SLC8A1: variants seen among roughly 807,000 people sequenced by gnomAD.
The protein encoded by SLC8A1 is solute carrier family 8 member A1.
A neutral mutation model predicts 68.3 loss-of-function variants in SLC8A1; 18 were observed. That is an observed-to-expected ratio of 0.26 (90% CI 0.18 to 0.39). The LOEUF (loss-of-function observed/expected upper bound fraction) is 0.39, where lower values mean the gene tolerates loss of function less well. Among genes scored for constraint, SLC8A1 ranks in the 10% least tolerant of loss-of-function variants. SLC8A1 has a pLI of 1.00. For missense variants in SLC8A1, 985 were observed against 1,156.7 expected (o/e 0.85, Z 2.15); for synonymous variants, 475 against 415.5 (o/e 1.14, Z -1.74).
At chr2:40,135,539 G>A (rs889043763) in intron 7 of SLC8A1, among the ~76,000 whole-genome samples, 2 of 151,908 alleles carry the variant, frequency 1.3e-5, no homozygotes, top group African/African-American at 4.8e-5. Context: ...CCAATACGGT[G>A]AAATCCTCTC....
At chr2:40,197,723 A>T (rs2053326666) in intron 2 of SLC8A1, among the ~76,000 whole-genome samples, 1 of 151,932 alleles carries the variant, frequency 6.6e-6, no homozygotes, top group African/African-American at 2.4e-5. Context: ...TGTCTCCCAG[A>T]CATTTTCCTG....
intron 2 of SLC8A1, among the ~76,000 whole-genome samples, chr2:40,284,655 AATAT>A (rs1006061798): frequency 2.8e-5 from 4 of 144,426 alleles, no homozygotes; most frequent in African/African-American, 9.9e-5. Context: ...TATAAATATA[AATAT>A]AAATATATAT....
intron 2 of SLC8A1, among the ~76,000 whole-genome samples, chr2:40,339,813 G>A (rs1052085071): frequency 2.6e-5 from 4 of 152,154 alleles, no homozygotes; most frequent in African/African-American, 9.7e-5. Flanking sequence ...ACAGACAGAA[G>A]TTACTTTGTA....
intron 7 of SLC8A1, chr2:40,117,008 T>C (rs1558414618): frequency 1.3e-5 from 2 of 152,232 alleles, no homozygotes; most frequent in Non-Finnish European, 2.9e-5. Flanking sequence ...TAAATGGGGA[T>C]GGTACTGCTC....
chr2:40,225,232 T>A (rs1480104901), intron 2 of SLC8A1, among the ~76,000 whole-genome samples: 1 of 152,188 alleles, frequency 6.6e-6, no homozygotes, highest in Non-Finnish European at 1.5e-5. Context: ...TTATGGCTAG[T>A]TGTGTGACTG....
intron 2 of SLC8A1, among the ~76,000 whole-genome samples, chr2:40,284,565 T>C (rs2068007224): frequency 6.8e-6 from 1 of 147,468 alleles, no homozygotes; most frequent in East Asian, 1.9e-4. Flanking sequence ...GTTATATATA[T>C]TGTTATATAT....
intron 1 of SLC8A1, among the ~76,000 whole-genome samples, chr2:40,451,225 A>T (rs1050476703): frequency 4.6e-5 from 7 of 152,186 alleles, no homozygotes; most frequent in African/African-American, 1.4e-4. Context: ...TTCCCTTCCA[A>T]TCTCTTGGGG....
intron 1 of SLC8A1, among the ~76,000 whole-genome samples, chr2:40,438,538 T>A (rs1576491781): frequency 6.6e-6 from 1 of 152,158 alleles, no homozygotes; most frequent in Non-Finnish European, 1.5e-5. Context: ...CTGTACTTAC[T>A]AAATTTACAG....
intron 2 of SLC8A1, among the ~76,000 whole-genome samples, chr2:40,236,178 C>G (rs1363352514): frequency 6.6e-6 from 1 of 151,776 alleles, no homozygotes; most frequent in Admixed American, 6.6e-5. Flanking sequence ...TCTTGTTGAT[C>G]TGTCTAATGT....
rs150873655 is a variant in SLC8A1 at position 40,480,416 on chromosome 2, T to C, written c.-25+31933A>G. Among the ~76,000 whole-genome samples, 474 of 152,250 alleles carry C rather than the reference T, an allele frequency of 3.1e-3. 1 individual carries two copies. The highest frequency in any genetic ancestry group is 0.011 in the African/African-American group (450 of 41,540). On this transcript the variant is annotated intron_variant, in intron 1 of 7. Transcript: ENST00000402441. ...CCCAGAGAGACTCTCACCCCTTGCA[T>C]CATGTGTGGACACAGAAAGAAGGCA...
chr2:40,226,888 T>C (rs1482953519), intron 2 of SLC8A1, among the ~76,000 whole-genome samples: 5 of 152,134 alleles, frequency 3.3e-5, no homozygotes, highest in Non-Finnish European at 1.5e-5. Flanking sequence ...CCTGGAGCTA[T>C]AATAAAACAT....
At chr2:40,178,236 C>A in intron 2 of SLC8A1, 151 bp downstream of exon 3, 1 of 682,780 alleles carries the variant, frequency 1.5e-6, no homozygotes, top group Non-Finnish European at 2.6e-6. Context: ...AGCTACAGGC[C>A]TGCCTACTGT....
intron 1 of SLC8A1, among the ~76,000 whole-genome samples, chr2:40,431,981 T>C (rs929807136): frequency 1.3e-5 from 2 of 152,170 alleles, no homozygotes; most frequent in African/African-American, 4.8e-5. Context: ...AGGAGGGTTA[T>C]AGCAGTAGAA....
intron 2 of SLC8A1, among the ~76,000 whole-genome samples, chr2:40,230,555 G>T (rs2059524867): frequency 6.6e-6 from 1 of 152,064 alleles, no homozygotes; most frequent in Non-Finnish European, 1.5e-5. Context: ...TCACTATAAA[G>T]GATACACATG....
chr2:40,375,258 T>G (rs1575816546), intron 2 of SLC8A1, among the ~76,000 whole-genome samples: 1 of 152,088 alleles, frequency 6.6e-6, no homozygotes, highest in Non-Finnish European at 1.5e-5. Flanking sequence ...ACACAGATAT[T>G]AGTACCTTTG....
chr2:40,135,737 T>G (rs1486379493), intron 7 of SLC8A1, among the ~76,000 whole-genome samples: 1 of 151,632 alleles, frequency 6.6e-6, no homozygotes, highest in Non-Finnish European at 1.5e-5. Context: ...TAAATACAAT[T>G]AAAAAATAAA....
At chr2:40,312,983 A>G (rs546750337) in intron 2 of SLC8A1, among the ~76,000 whole-genome samples, 46 of 152,190 alleles carry the variant, frequency 3.0e-4, no homozygotes, top group African/African-American at 1.0e-3. Context: ...TATAAAATAT[A>G]TGTATACATA....
At chr2:40,424,221 T>C (rs572829550) in intron 2 of SLC8A1, among the ~76,000 whole-genome samples, 1 of 151,944 alleles carries the variant, frequency 6.6e-6, no homozygotes, top group South Asian at 2.1e-4. Context: ...ACAATTATCC[T>C]TCTGTTCTGA....
chr2:40,168,060 A>C (rs956748158), intron 4 of SLC8A1, among the ~76,000 whole-genome samples: 1 of 152,020 alleles, frequency 6.6e-6, no homozygotes, highest in African/African-American at 2.4e-5. Flanking sequence ...AAAACGGATC[A>C]TTTTTTCATT....
Sources: allele counts gnomAD v4.1 joint callset (sites outside exome capture counted in the v4.1 genomes callset), GRCh38; gene constraint gnomAD v4.1.1; transcripts MANE v1.5; gene names NCBI Gene and HGNC (gene_info 2026-07-23, HGNC 2026-07-21).